DEPDC1B: variants seen among roughly 807,000 people sequenced by gnomAD.
DEPDC1B encodes DEP domain-containing protein 1B.
Under a neutral mutation model 66.5 loss-of-function variants are expected in DEPDC1B, and 51 were observed. The observed-to-expected ratio is 0.77, with a 90% CI of 0.61 to 0.97. The LOEUF (loss-of-function observed/expected upper bound fraction) is 0.97. Ranked by LOEUF, DEPDC1B falls within the 50% of genes least tolerant of loss-of-function variation. The pLI is 0.00. For missense variants in DEPDC1B, 552 were observed against 637.1 expected, an observed-to-expected ratio of 0.87 and a Z score of 1.44; for synonymous variants, 226 against 223.6, an observed-to-expected ratio of 1.01 and a Z score of -0.10.
At chr5:60,643,350 G>T (rs998932461) in intron 5 of DEPDC1B, among the ~76,000 whole-genome samples, 1 of 152,150 alleles carries the variant, frequency 6.6e-6, no homozygotes, top group African/African-American at 2.4e-5. Context: ...AAGTTCCACT[G>T]ACATATTAAT....
At chr5:60,682,864 A>C (rs899757345) in intron 2 of DEPDC1B, among the ~76,000 whole-genome samples, 3 of 152,218 alleles carry the variant, frequency 2.0e-5, no homozygotes, top group Non-Finnish European at 4.4e-5. Flanking sequence ...CACACCTTTG[A>C]AGAGGAATTA....
chr5:60,612,859 A>G (rs1752451422), intron 7 of DEPDC1B, among the ~76,000 whole-genome samples: 1 of 152,162 alleles, frequency 6.6e-6, no homozygotes, highest in South Asian at 2.1e-4. Flanking sequence ...TGTTATGAAT[A>G]CTCTAAGGAT....
intron 7 of DEPDC1B, among the ~76,000 whole-genome samples, chr5:60,612,982 C>G (rs1490287401): frequency 2.0e-5 from 3 of 152,210 alleles, no homozygotes; most frequent in Non-Finnish European, 4.4e-5. Flanking sequence ...TTGTGCTATA[C>G]ACACACAGGA....
intron 2 of DEPDC1B, among the ~76,000 whole-genome samples, chr5:60,653,539 C>T (rs1181023190): frequency 6.6e-6 from 1 of 152,144 alleles, no homozygotes; most frequent in African/African-American, 2.4e-5. Context: ...CATTTTTCTC[C>T]TACTCTGTGG....
At chr5:60,634,675 AAAAT>A (rs57970296) in intron 7 of DEPDC1B, among the ~76,000 whole-genome samples, 10 of 146,558 alleles carry the variant, frequency 6.8e-5, no homozygotes, top group South Asian at 4.2e-4. Flanking sequence ...CTGTCTCAAA[AAAAT>A]AAATAAATAA....
chr5:60,605,030 G>C (rs1277368387), intron 8 of DEPDC1B, among the ~76,000 whole-genome samples: 1 of 152,148 alleles, frequency 6.6e-6, no homozygotes, highest in African/African-American at 2.4e-5. Context: ...CACCAGTTTT[G>C]CTCAAAGACA....
intron 8 of DEPDC1B, among the ~76,000 whole-genome samples, chr5:60,604,044 G>A (rs1752260060): frequency 6.6e-6 from 1 of 151,218 alleles, no homozygotes; most frequent in African/African-American, 2.4e-5. Flanking sequence ...TCTTTTCCTA[G>A]TTAGCTTATT....
At chr5:60,669,700 C>A (rs1753984965) in intron 2 of DEPDC1B, among the ~76,000 whole-genome samples, 1 of 152,160 alleles carries the variant, frequency 6.6e-6, no homozygotes, top group African/African-American at 2.4e-5. Context: ...GGAAACCAAA[C>A]TAAGGAAGGC....
intron 2 of DEPDC1B, among the ~76,000 whole-genome samples, chr5:60,673,881 C>A (rs1754099610): frequency 6.6e-6 from 1 of 152,162 alleles, no homozygotes; most frequent in African/African-American, 2.4e-5. Flanking sequence ...GTCAGCCGTG[C>A]TCCTTTCATA....
intron 7 of DEPDC1B, among the ~76,000 whole-genome samples, chr5:60,610,317 T>G (rs1752389727): frequency 6.6e-6 from 1 of 152,172 alleles, no homozygotes; most frequent in African/African-American, 2.4e-5. Context: ...ACACTGGGTA[T>G]CCATGGGCTA....
chr5:60,605,984 G>A, intron 7 of DEPDC1B, 128 bp from the exon 8 acceptor site: 3 of 767,024 alleles, frequency 3.9e-6, no homozygotes, highest in Non-Finnish European at 5.8e-6. Flanking sequence ...AACTATACTG[G>A]GTCAATTGAA....
intron 2 of DEPDC1B, among the ~76,000 whole-genome samples, chr5:60,679,580 A>G (rs181548651): frequency 6.6e-6 from 1 of 152,312 alleles, no homozygotes; most frequent in African/African-American, 2.4e-5. Context: ...AAGGAATGAG[A>G]CAGGCAGGAA....
chr5:60,636,517 T>G (rs1368772637), intron 7 of DEPDC1B, among the ~76,000 whole-genome samples: 1 of 152,234 alleles, frequency 6.6e-6, no homozygotes, highest in African/African-American at 2.4e-5. Context: ...AATGATATCC[T>G]ATTCCAATCA....
chr5:60,686,931 C>T, intron 2 of DEPDC1B, 31 bp downstream of exon 2: 1 of 1,609,594 alleles, frequency 6.2e-7, no homozygotes, highest in Non-Finnish European at 8.5e-7. Flanking sequence ...TCCCCAATTC[C>T]TCACCTTCCA....
intron 1 of DEPDC1B, chr5:60,688,989 C>T: frequency 2.2e-6 from 1 of 456,166 alleles, no homozygotes; most frequent in Non-Finnish European, 4.4e-6. Context: ...GCTCACCACA[C>T]AATGATCCTA....
chr5:60,682,678 G>A (rs955497740), intron 2 of DEPDC1B, among the ~76,000 whole-genome samples: 1 of 151,950 alleles, frequency 6.6e-6, no homozygotes, highest in Non-Finnish European at 1.5e-5. Flanking sequence ...GCAACGAATT[G>A]GAAAACCTAA....
rs1223256126 is a variant in DEPDC1B at position 60,647,441 on chromosome 5, G to T, written c.407C>A (p.Pro136Gln). 6.2e-7 allele frequency: 1 copy of T among 1,612,802 alleles called. No homozygotes were observed. Among genetic ancestry groups the T allele is most frequent in the Non-Finnish European group, 8.5e-7 (1 of 1,179,542 alleles). Residue 136 changes from proline (P) to glutamine (Q), a missense_variant, in exon 3 of 11, where the codon CCA becomes CAA. Coordinates refer to ENST00000265036, the MANE Select transcript of DEPDC1B (RefSeq NM_018369.3). ...TGGGATGTTCTCTTGTGAAGTGCCT[G>T]GTGGGAGATCATTCCATTCTGGAAA... ...IKFPEWNDLP[P>Q]GTSQENIPVR...
At chr5:60,616,539 T>A (rs1259129312) in intron 7 of DEPDC1B, among the ~76,000 whole-genome samples, 1 of 152,140 alleles carries the variant, frequency 6.6e-6, no homozygotes, top group African/African-American at 2.4e-5. Flanking sequence ...AGGAAGGGTA[T>A]CAGTGATGGA....
intron 2 of DEPDC1B, among the ~76,000 whole-genome samples, chr5:60,656,437 C>G (rs368650788): frequency 4.6e-5 from 7 of 152,260 alleles, no homozygotes; most frequent in African/African-American, 1.7e-4. Flanking sequence ...CATGAGCCAC[C>G]GTGCCCAGCC....
Sources: gnomAD v4.1 joint callset for allele counts (sites outside exome capture counted in the v4.1 genomes callset) on GRCh38, gnomAD v4.1.1 for gene constraint, MANE v1.5 for transcripts, NCBI Gene and HGNC (gene_info 2026-07-23, HGNC 2026-07-21) for gene names.